Variants in IQCH observed in about 807,000 individuals in gnomAD.
IQCH encodes the protein IQ motif containing H, also known as IQ domain-containing protein H.
IQCH carries 98 observed loss-of-function variants against 117.0 expected under a neutral mutation model. The observed-to-expected ratio is 0.84, with a 90% CI of 0.71 to 0.99. The LOEUF (loss-of-function observed/expected upper bound fraction) is 0.99. Among genes scored for constraint, IQCH ranks in the 50% least tolerant of loss-of-function variants. The probability of loss-of-function intolerance (pLI) is 0.00; values close to 1 mark genes in which losing one functional copy is unlikely to be tolerated. For synonymous variants in IQCH, 412 were observed against 448.2 expected (o/e 0.92, Z 1.02); for missense variants, 1,102 against 1,243.8 (o/e 0.89, Z 1.72).
intron 17 of IQCH, among the ~76,000 whole-genome samples, chr15:67,471,246 A>G (rs1018419970): frequency 0.012 from 1 of 84 alleles, no homozygotes; most frequent in African/African-American, 0.062. Context: ...CTCAAAGGAC[A>G]TAACCCATAA....
intron 1 of IQCH, among the ~76,000 whole-genome samples, chr15:67,257,684 A>G (rs1419437639): frequency 6.6e-6 from 1 of 152,244 alleles, no homozygotes; most frequent in East Asian, 1.9e-4. Context: ...CTTCATTAAA[A>G]TGTGGTATAT....
At chr15:67,254,986 C>T (rs367561206) in intron 1 of IQCH, 39 bp downstream of exon 1, 1 of 1,594,084 alleles carries the variant, frequency 6.3e-7, no homozygotes, top group African/African-American at 1.3e-5. Flanking sequence ...CCTGCCCAGC[C>T]GCGCCACTTC....
chr15:67,358,558 C>A (rs983511669), intron 7 of IQCH, among the ~76,000 whole-genome samples: 1 of 151,980 alleles, frequency 6.6e-6, no homozygotes, highest in Admixed American at 6.6e-5. Context: ...TATGGAGATT[C>A]CCCCAGTTTA....
At chr15:67,298,163 G>T (rs1175194648) in intron 4 of IQCH, among the ~76,000 whole-genome samples, 4 of 151,874 alleles carry the variant, frequency 2.6e-5, no homozygotes, top group Non-Finnish European at 2.9e-5. Flanking sequence ...ACAAAAATTA[G>T]CCAGGTGTGG....
At chr15:67,317,406 T>G (rs1278468943) in intron 4 of IQCH, among the ~76,000 whole-genome samples, 3 of 152,036 alleles carry the variant, frequency 2.0e-5, no homozygotes, top group Non-Finnish European at 4.4e-5. Flanking sequence ...GGTTTCACCA[T>G]GTTGGCCAGG....
intron 16 of IQCH, among the ~76,000 whole-genome samples, chr15:67,437,672 A>G (rs772805478): frequency 1.3e-5 from 2 of 152,230 alleles, no homozygotes; most frequent in Non-Finnish European, 2.9e-5. Context: ...ATGAAGGGAT[A>G]CATATTCAAG....
In IQCH at chr15:67,416,560, GTTAA is replaced by G. The variant is rs1414840552; in HGVS notation, c.2098-370_2098-367del. On this transcript the variant is annotated intron_variant, in intron 14 of 20. Coordinates refer to ENST00000335894, the MANE Select transcript of IQCH (RefSeq NM_001031715.3). The surrounding 1 kb of genome is among the most constrained non-coding windows in gnomAD (Gnocchi z 5.1). ...ACAAAAAACAAAAACAAAAAAAACA[GTTAA>G]CCCCACATTTTATATAAAGGGAAAC... Among the ~76,000 whole-genome samples, 1 of 151,478 alleles carries G rather than the reference GTTAA, an allele frequency of 6.6e-6. No homozygotes were observed. Among genetic ancestry groups the G allele is most frequent in the Non-Finnish European group, 1.5e-5 (1 of 67,826 alleles).
rs572711746 is a variant in IQCH, at chr15:67,404,285, C to T, written c.2097+3980C>T. 2.0e-5 allele frequency: 3 copies of T among 152,238 alleles called. No homozygotes were observed. In the East Asian group the frequency reaches 5.8e-4, roughly 29 times the overall value. 9.4% of individuals were successfully genotyped at this position (152,238 alleles called of 1,614,324 possible). A position where few individuals can be genotyped will look rare whatever the true frequency, so the allele number is the denominator to read the frequency against. ...TAGAACTAAGGCAGCAAACAGAAAA[C>T]ACAATTACAAAAGAGAATCATTAAC... is the stretch of plus-strand genomic sequence containing the variant. On this transcript the variant is annotated intron_variant, in intron 14 of 20. Transcript: ENST00000335894. The surrounding 1 kb of genome is among the most constrained non-coding windows in gnomAD (Gnocchi z 4.6).
rs113350999 is a variant in IQCH at position 67,275,275 on chromosome 15, A to G, written c.270-4120A>G. 5.7e-3 allele frequency among the ~76,000 whole-genome samples: 865 copies of G among 152,314 alleles called. 7 individuals carry two copies. Among genetic ancestry groups the G allele is most frequent in the African/African-American group, 0.02 (817 of 41,570 alleles). Reference sequence around the variant, plus strand: ...ACTTTAGAATTCTAGTGAAGAAACCATGAGTTGGGAGAAATATTTTCACAT... The same window carrying G: ...ACTTTAGAATTCTAGTGAAGAAACCGTGAGTTGGGAGAAATATTTTCACAT... On this transcript the variant is annotated intron_variant, in intron 3 of 20. Coordinates refer to ENST00000335894, the MANE Select transcript of IQCH (RefSeq NM_001031715.3).
chr15:67,368,971 G>C (rs1253902329), intron 8 of IQCH, among the ~76,000 whole-genome samples: 1 of 151,964 alleles, frequency 6.6e-6, no homozygotes. Context: ...CTGCAGCCTC[G>C]AACTCCTGGG....
At chr15:67,330,967 G>GA (rs1260894362) in intron 4 of IQCH, among the ~76,000 whole-genome samples, 1 of 152,104 alleles carries the variant, frequency 6.6e-6, no homozygotes, top group Admixed American at 6.6e-5. Context: ...CAGAAAGGTA[G>GA]AAAAAAACCC....
chr15:67,371,038 G>T lies in IQCH; in HGVS notation c.754-1073G>T, dbSNP rs184223256. On this transcript the variant is annotated intron_variant, in intron 8 of 20. Coordinates refer to ENST00000335894, the MANE Select transcript of IQCH (RefSeq NM_001031715.3). ...AATAATAACCCCACAGTTTGGTAAAGATGGGCTTATACATCTGAGAACGCT... is the reference window on the plus strand; with the variant it reads ...AATAATAACCCCACAGTTTGGTAAATATGGGCTTATACATCTGAGAACGCT... Among the ~76,000 whole-genome samples the T allele has an allele frequency of 6.5e-4, 99 of 152,212 alleles. 1 individual carries two copies. Among genetic ancestry groups the T allele is most frequent in the African/African-American group, 2.2e-3 (93 of 41,518 alleles).
chr15:67,359,857 G>C lies in IQCH; in HGVS notation c.725G>C (p.Arg242Thr). ...PKKQRSKGKS[R>T]RSRGHHDRKA... ...CATTCTTCATTGTAGGGGAAAAGCA[G>C]AAGGTCAAGAGGACATCATGATAGG... The change falls in exon 8 of 21, where the codon AGA becomes ACA. Residue 242 changes from arginine (R) to threonine (T), a missense_variant. Arg to Thr is a moderately conservative substitution (Grantham distance 71, BLOSUM62 -1). Transcript: ENST00000335894. The surrounding 1 kb of genome is among the most constrained non-coding windows in gnomAD (Gnocchi z 4.5). 6.2e-7 allele frequency: 1 copy of C among 1,606,490 alleles called. No homozygotes were observed. Among genetic ancestry groups the C allele is most frequent in the Non-Finnish European group, 8.5e-7 (1 of 1,175,240 alleles).
intron 8 of IQCH, among the ~76,000 whole-genome samples, chr15:67,368,130 G>A (rs1462781457): frequency 6.6e-6 from 1 of 152,200 alleles, no homozygotes; most frequent in Non-Finnish European, 1.5e-5. Context: ...TTGCCCAAGA[G>A]TATGTAGCAG....
intron 4 of IQCH, among the ~76,000 whole-genome samples, chr15:67,290,107 T>C (rs1417890527): frequency 6.6e-6 from 1 of 152,094 alleles, no homozygotes; most frequent in East Asian, 1.9e-4. Context: ...CTTTTCATTG[T>C]CTTATTTGGT....
chr15:67,449,709 C>T (rs2082473382), intron 16 of IQCH, among the ~76,000 whole-genome samples: 1 of 152,160 alleles, frequency 6.6e-6, no homozygotes, highest in South Asian at 2.1e-4. Context: ...GCCATGTGGG[C>T]TCTTTTTGGG....
At chr15:67,392,373 A>G (rs1247508394) in intron 12 of IQCH, among the ~76,000 whole-genome samples, 1 of 152,246 alleles carries the variant, frequency 6.6e-6, no homozygotes, top group Non-Finnish European at 1.5e-5. Flanking sequence ...CAAGGAAGAA[A>G]GACAGTGACT....
In IQCH at chr15:67,426,136, C is replaced by A. The variant is rs1018916865; in HGVS notation, c.2505+4559C>A. ...GATCGACTCAGAAGCCCTGTAAGAT[C>A]TGGGCTCTTAGTGCTGCCATTGCTA... On this transcript the variant is annotated intron_variant, in intron 16 of 20. Transcript: ENST00000335894. The surrounding 1 kb of genome is among the most constrained non-coding windows in gnomAD (Gnocchi z 5.1). Among the ~76,000 whole-genome samples, 1 of 152,176 alleles carries A rather than the reference C, an allele frequency of 6.6e-6. No individual in the cohort carries two copies. The highest frequency in any genetic ancestry group is 1.5e-5 in the Non-Finnish European group (1 of 68,036).
At chr15:67,320,767 T>C (rs2140595631) in intron 4 of IQCH, among the ~76,000 whole-genome samples, 1 of 152,326 alleles carries the variant, frequency 6.6e-6, no homozygotes, top group African/African-American at 2.4e-5. Flanking sequence ...GGATCATTTT[T>C]TTCCCTAAAA....
Sources: gnomAD v4.1 joint callset for allele counts (sites outside exome capture counted in the v4.1 genomes callset) on GRCh38, gnomAD v4.1.1 for gene constraint, Gnocchi (gnomAD v3.1) non-coding constraint, MANE v1.5 for transcripts, NCBI Gene and HGNC (gene_info 2026-07-23, HGNC 2026-07-21) for gene names.